Variants in ARHGAP42 observed in about 807,000 individuals in gnomAD.
ARHGAP42 encodes the protein rho GTPase-activating protein 42.
In ARHGAP42, 63 loss-of-function variants were observed where a neutral mutation model predicts 125.0. The ratio of observed to expected loss-of-function variants is 0.50; its 90% CI spans 0.41 to 0.62. ARHGAP42 has a LOEUF of 0.62. ARHGAP42 is among the 20% of genes least tolerant of loss of function. ARHGAP42 has a pLI of 0.00. For synonymous variants in ARHGAP42, 339 were observed against 351.0 expected (o/e 0.97, Z 0.38); for missense variants, 766 against 1,024.2 (o/e 0.75, Z 3.44).
chr11:100,892,749 C>T (rs1245610702), intron 4 of ARHGAP42, among the ~76,000 whole-genome samples: 1 of 152,142 alleles, frequency 6.6e-6, no homozygotes, highest in Non-Finnish European at 1.5e-5. Flanking sequence ...AGCACATTTT[C>T]TTTCTGGTTT....
intron 3 of ARHGAP42, among the ~76,000 whole-genome samples, chr11:100,805,637 C>T (rs1863970325): frequency 6.6e-6 from 1 of 152,134 alleles, no homozygotes; most frequent in Non-Finnish European, 1.5e-5. Context: ...CTTATAGTTA[C>T]TTCTTGATTA....
At chr11:100,854,350 G>A (rs927432669) in intron 3 of ARHGAP42, among the ~76,000 whole-genome samples, 6 of 152,160 alleles carry the variant, frequency 3.9e-5, no homozygotes, top group African/African-American at 1.4e-4. Flanking sequence ...TCTAACTGAT[G>A]AGGTCCAATG....
intron 1 of ARHGAP42, among the ~76,000 whole-genome samples, chr11:100,749,916 T>C (rs1189951023): frequency 2.0e-5 from 3 of 152,176 alleles, no homozygotes; most frequent in African/African-American, 7.2e-5. Context: ...GTTGTCGCCA[T>C]AGTATGTGAG....
chr11:100,687,931 T>C (rs1215839017), intron 1 of ARHGAP42, 99 bp downstream of exon 1: 4 of 1,335,784 alleles, frequency 3.0e-6, no homozygotes, highest in Non-Finnish European at 4.0e-6. Flanking sequence ...CTTCTTTTGT[T>C]TGAATGGATT....
chr11:100,866,458 T>A (rs1038434532), intron 4 of ARHGAP42, among the ~76,000 whole-genome samples: 2 of 152,234 alleles, frequency 1.3e-5, no homozygotes, highest in Non-Finnish European at 2.9e-5. Flanking sequence ...AATGATAGCC[T>A]TATTGTATTA....
intron 4 of ARHGAP42, among the ~76,000 whole-genome samples, chr11:100,863,524 C>A (rs1865499669): frequency 6.6e-6 from 1 of 152,138 alleles, no homozygotes; most frequent in Non-Finnish European, 1.5e-5. Context: ...TTTGAGACAC[C>A]TGATACTTTG....
At chr11:100,843,516 A>G (rs917981449) in intron 3 of ARHGAP42, among the ~76,000 whole-genome samples, 1 of 152,068 alleles carries the variant, frequency 6.6e-6, no homozygotes, top group Non-Finnish European at 1.5e-5. Context: ...TCAAACTGCC[A>G]CTGTTTGCTG....
At chr11:100,778,606 C>A (rs540253914) in intron 2 of ARHGAP42, among the ~76,000 whole-genome samples, 109 of 151,850 alleles carry the variant, frequency 7.2e-4, no homozygotes, top group African/African-American at 2.6e-3. Context: ...CACACAGAAA[C>A]CACCCACAAT....
At chr11:100,770,672 G>A (rs900762479) in intron 2 of ARHGAP42, among the ~76,000 whole-genome samples, 3 of 152,102 alleles carry the variant, frequency 2.0e-5, no homozygotes, top group Non-Finnish European at 1.5e-5. Context: ...CTGCCTCCCG[G>A]GTTCAAGTGG....
At chr11:100,948,360 CTCTTAACTTTTTT>C in intron 10 of ARHGAP42, 84 bp from the exon 11 acceptor site, 1 of 787,112 alleles carries the variant, frequency 1.3e-6, no homozygotes, top group Non-Finnish European at 1.7e-6. Context: ...TTTCTCTTTT[CTCTTAACTTTTTT>C]TCTTCAAATT....
chr11:100,962,535 A>G (rs1386152578), intron 16 of ARHGAP42, 68 bp downstream of exon 16: 4 of 1,329,216 alleles, frequency 3.0e-6, no homozygotes, highest in Non-Finnish European at 4.2e-6. Context: ...TTAGGCATAT[A>G]TTACTAGTAT....
chr11:100,728,714 G>GTATATATATATATA (rs57293905), intron 1 of ARHGAP42, among the ~76,000 whole-genome samples: 1 of 70,408 alleles, frequency 1.4e-5, no homozygotes, highest in African/African-American at 6.5e-5. Context: ...ATGACTTTGC[G>GTATATATATATATA]TATATATATA....
In ARHGAP42 at chr11:100,770,467, T is replaced by G. The variant is rs1204063403; in HGVS notation, c.250+29T>G. On this transcript the variant is annotated intron_variant, in intron 2 of 23. Coordinates refer to ENST00000298815, the MANE Select transcript of ARHGAP42 (RefSeq NM_152432.4). ...AGTACTACTGTTTTAGAAAGTTCTA[T>G]TACTAATATTTATTTTACTGAAATC... 3 of 1,407,352 alleles carry G rather than the reference T, an allele frequency of 2.1e-6. No homozygotes were observed. The African/African-American group carries it at 4.3e-5, about 20-fold the overall frequency. 87.2% of individuals were successfully genotyped at this position (1,407,352 alleles called of 1,614,324 possible).
At chr11:100,747,098 G>T (rs1183823233) in intron 1 of ARHGAP42, among the ~76,000 whole-genome samples, 3 of 152,178 alleles carry the variant, frequency 2.0e-5, no homozygotes, top group Non-Finnish European at 4.4e-5. Context: ...AAACTCCAAA[G>T]GTGGTGCCTG....
At position 100,960,079 on chromosome 11, in the gene ARHGAP42, A is replaced by T. The variant is rs1370220571; in HGVS notation, c.1225+134A>T. ...TTAATTTTAAGAGTAATATAAATGT[A>T]TGTATCGGTATACAAATAGCTATAC... On this transcript the variant is annotated intron_variant, in intron 13 of 23. Coordinates refer to ENST00000298815, the MANE Select transcript of ARHGAP42 (RefSeq NM_152432.4). 2.1e-5 allele frequency: 16 copies of T among 759,780 alleles called. 1 individual carries two copies. The South Asian group carries it at 2.8e-4, about 13-fold the overall frequency. 47.1% of individuals were successfully genotyped at this position (759,780 alleles called of 1,614,324 possible).
intron 3 of ARHGAP42, among the ~76,000 whole-genome samples, chr11:100,797,956 C>T (rs1223626527): frequency 6.6e-6 from 1 of 152,098 alleles, no homozygotes; most frequent in African/African-American, 2.4e-5. Flanking sequence ...TGATTCCAGC[C>T]CTCATGGATG....
chr11:100,866,768 C>T (rs1334043105), intron 4 of ARHGAP42, among the ~76,000 whole-genome samples: 2 of 152,140 alleles, frequency 1.3e-5, no homozygotes, highest in Admixed American at 6.5e-5. Flanking sequence ...GCAGGCCCCT[C>T]CTCCAACAGT....
intron 2 of ARHGAP42, among the ~76,000 whole-genome samples, chr11:100,779,753 C>T (rs867653806): frequency 9.9e-5 from 15 of 151,358 alleles, no homozygotes; most frequent in African/African-American, 2.2e-4. Flanking sequence ...TGGCTGGGTG[C>T]GGTGACTCAC....
At chr11:100,769,510 C>T (rs1358716584) in intron 1 of ARHGAP42, among the ~76,000 whole-genome samples, 1 of 152,130 alleles carries the variant, frequency 6.6e-6, no homozygotes, top group African/African-American at 2.4e-5. Context: ...GTCAGGATTG[C>T]AGAGTATGTT....
Sources: allele counts gnomAD v4.1 joint callset (sites outside exome capture counted in the v4.1 genomes callset), GRCh38; gene constraint gnomAD v4.1.1; transcripts MANE v1.5; gene names NCBI Gene and HGNC (gene_info 2026-07-23, HGNC 2026-07-21).